SHOC1: variants seen among roughly 807,000 people sequenced by gnomAD.
SHOC1 encodes the protein protein shortage in chiasmata 1 ortholog.
SHOC1 carries 136 observed loss-of-function variants against 179.2 expected under a neutral mutation model. The ratio of observed to expected loss-of-function variants is 0.76; its 90% CI spans 0.66 to 0.87. The LOEUF is 0.87. Among genes scored for constraint, SHOC1 ranks in the 40% least tolerant of loss-of-function variants. The pLI, the probability that SHOC1 is intolerant of heterozygous loss-of-function variation, is 0.00. For missense variants in SHOC1, 1,538 were observed against 1,700.8 expected (o/e 0.90, Z 1.68); for synonymous variants, 489 against 586.6 (o/e 0.83, Z 2.41).
intron 5 of SHOC1, among the ~76,000 whole-genome samples, chr9:111,764,818 G>A (rs556470598): frequency 3.3e-5 from 5 of 152,230 alleles, no homozygotes; most frequent in African/African-American, 1.2e-4. Context: ...ATAAGGGGTG[G>A]TTGATGAAGT....
intron 12 of SHOC1, among the ~76,000 whole-genome samples, chr9:111,737,694 C>A (rs1833870095): frequency 6.7e-6 from 1 of 149,852 alleles, no homozygotes; most frequent in Non-Finnish European, 1.5e-5. Context: ...ACAAACCCCC[C>A]CCCCCACACA....
chr9:111,704,041 T>C (rs749453259), intron 21 of SHOC1, 49 bp from the exon 22 acceptor site: 2 of 1,041,398 alleles, frequency 1.9e-6, no homozygotes, highest in South Asian at 3.0e-5. Context: ...CTAATAAAAT[T>C]ATTTAAGAAA....
intron 2 of SHOC1, among the ~76,000 whole-genome samples, chr9:111,787,457 G>T (rs770887186): frequency 4.6e-5 from 7 of 152,198 alleles, no homozygotes; most frequent in Non-Finnish European, 8.8e-5. Context: ...AGGGATTCAA[G>T]ACTTAAGTGG....
At chr9:111,752,137 C>T (rs1199332664) in intron 8 of SHOC1, among the ~76,000 whole-genome samples, 2 of 152,138 alleles carry the variant, frequency 1.3e-5, no homozygotes, top group East Asian at 3.8e-4. Flanking sequence ...TCAACTAGAA[C>T]TTGGATAAAA....
At chr9:111,762,820 A>T (rs1480239720) in intron 5 of SHOC1, among the ~76,000 whole-genome samples, 2 of 152,150 alleles carry the variant, frequency 1.3e-5, no homozygotes, top group Non-Finnish European at 2.9e-5. Flanking sequence ...AGCAACCATC[A>T]TGCTTCTACC....
chr9:111,723,023 G>A (rs1290634472), intron 14 of SHOC1, among the ~76,000 whole-genome samples: 6 of 151,902 alleles, frequency 3.9e-5, no homozygotes, highest in Admixed American at 6.6e-5. Context: ...CTCATGATCC[G>A]CCCACCTCGG....
At chr9:111,750,686 G>T (rs1286512256) in intron 8 of SHOC1, among the ~76,000 whole-genome samples, 1 of 151,974 alleles carries the variant, frequency 6.6e-6, no homozygotes, top group African/African-American at 2.4e-5. Context: ...CACTTTTGGG[G>T]GTTGTTTGCT....
intron 2 of SHOC1, among the ~76,000 whole-genome samples, chr9:111,790,107 A>C (rs1159798210): frequency 2.0e-5 from 3 of 152,228 alleles, no homozygotes; most frequent in African/African-American, 7.2e-5. Context: ...TTTAGCTCTG[A>C]CAATTATAAA....
At chr9:111,699,609 G>A (rs1831869007) in intron 24 of SHOC1, among the ~76,000 whole-genome samples, 1 of 152,092 alleles carries the variant, frequency 6.6e-6, no homozygotes, top group South Asian at 2.1e-4. Context: ...TATTACCCTA[G>A]TATATGTCTT....
Position 111,775,992 on chromosome 9 carries a change from T to C in SHOC1, c.258-17A>G. On this transcript the variant is annotated splice_polypyrimidine_tract_variant and intron_variant, in intron 4 of 27. Coordinates refer to ENST00000682961, the MANE Select transcript of SHOC1 (RefSeq NM_001378211.1). The stretch of plus-strand genomic sequence containing the variant: ...ATTGTTTTTCTGTGACAATATAAAA[T>C]TACTAATGTTATGTATGTCCTATTT... 1 of 1,594,240 alleles carries C rather than the reference T, an allele frequency of 6.3e-7. No homozygotes were observed. The highest frequency in any genetic ancestry group is 8.6e-7 in the Non-Finnish European group (1 of 1,164,388).
chr9:111,776,646 T>C (rs1314429058), intron 4 of SHOC1, among the ~76,000 whole-genome samples: 1 of 152,138 alleles, frequency 6.6e-6, no homozygotes, highest in Admixed American at 6.5e-5. Flanking sequence ...AGATCAAAGG[T>C]GAGGGAGACA....
intron 5 of SHOC1, chr9:111,759,339 ATTC>A: frequency 6.5e-7 from 1 of 1,529,510 alleles, no homozygotes. Flanking sequence ...TGATTCTATT[ATTC>A]TTAAGTTATT....
intron 8 of SHOC1, 63 bp from the exon 9 acceptor site, chr9:111,748,262 T>C: frequency 8.9e-7 from 1 of 1,122,866 alleles, no homozygotes; most frequent in South Asian, 1.3e-5. Flanking sequence ...TGTAACCTTG[T>C]TCAGTGGCAT....
At chr9:111,790,395 G>T (rs568105634) in intron 2 of SHOC1, among the ~76,000 whole-genome samples, 2 of 152,138 alleles carry the variant, frequency 1.3e-5, no homozygotes, top group South Asian at 4.2e-4. Context: ...GAGATAACTG[G>T]GATTCTTTTT....
intron 18 of SHOC1, 59 bp from the exon 19 acceptor site, chr9:111,707,983 G>A (rs1832357828): frequency 2.1e-6 from 2 of 964,532 alleles, no homozygotes; most frequent in East Asian, 5.6e-5. Context: ...TTTTTGGTAT[G>A]TCATATATTT....
Position 111,771,569 on chromosome 9 carries a change from C to A in SHOC1, c.442+4222G>T, listed in dbSNP as rs1168105578. Among the ~76,000 whole-genome samples, 3 of 152,082 alleles carry A rather than the reference C, an allele frequency of 2.0e-5. No individual in the cohort carries two copies. The South Asian group carries it at 6.2e-4, about 32-fold the overall frequency. On this transcript the variant is annotated intron_variant, in intron 5 of 27. Coordinates refer to ENST00000682961, the MANE Select transcript of SHOC1 (RefSeq NM_001378211.1). ...TTTTTTTTCCTTTCAGATTGAAGAA[C>A]CCCCTTTACCATTTACTGTAAGATG...
chr9:111,755,954 C>G (rs1834835263), intron 8 of SHOC1, among the ~76,000 whole-genome samples: 1 of 152,062 alleles, frequency 6.6e-6, no homozygotes, highest in Non-Finnish European at 1.5e-5. Flanking sequence ...GAAACCCCAT[C>G]TCTACTAAAA....
intron 4 of SHOC1, among the ~76,000 whole-genome samples, chr9:111,776,842 A>G (rs1461973751): frequency 2.2e-4 from 34 of 152,240 alleles, no homozygotes; most frequent in Admixed American, 2.2e-3. Context: ...TAACCGCCCA[A>G]CGGGTTCACC....
At position 111,769,975 on chromosome 9, in the gene SHOC1, G is replaced by GTTTGTTTTTTTTTTTTTTTTTTTT. The variant is rs1564161086; in HGVS notation, c.442+5815_442+5816insAAAAAAAAAAAAAAAAAAAACAAA. ...AATCTAGCGAAAGGTTTTATCTTCTGTTTTTTTTTTGTTTTTTTTTTTTTT... is the reference window on the plus strand; with the variant it reads ...AATCTAGCGAAAGGTTTTATCTTCTGTTTGTTTTTTTTTTTTTTTTTTTTTTTTTTTTTTGTTTTTTTTTTTTTT... On this transcript the variant is annotated intron_variant, in intron 5 of 27. Coordinates refer to ENST00000682961, the MANE Select transcript of SHOC1 (RefSeq NM_001378211.1). Among the ~76,000 whole-genome samples the GTTTGTTTTTTTTTTTTTTTTTTTT allele has an allele frequency of 8.0e-5, 7 of 87,794 alleles. 1 individual carries two copies. Among genetic ancestry groups the GTTTGTTTTTTTTTTTTTTTTTTTT allele is most frequent in the African/African-American group, 2.7e-4 (5 of 18,822 alleles). 57.6% of individuals were successfully genotyped at this position (87,794 alleles called of 152,430 possible). A position where few individuals can be genotyped will look rare whatever the true frequency, so the allele number is the denominator to read the frequency against.
Sources: allele counts gnomAD v4.1 joint callset (sites outside exome capture counted in the v4.1 genomes callset), GRCh38; gene constraint gnomAD v4.1.1; transcripts MANE v1.5; gene names NCBI Gene and HGNC (gene_info 2026-07-23, HGNC 2026-07-21).